ABCC8: variants seen among roughly 807,000 people sequenced by gnomAD.
The protein encoded by ABCC8 is ATP-binding cassette sub-family C member 8.
A neutral mutation model predicts 188.0 loss-of-function variants in ABCC8; 137 were observed. That is an observed-to-expected ratio of 0.73 (90% CI 0.63 to 0.84). ABCC8 has a LOEUF of 0.84. ABCC8 is among the 40% of genes least tolerant of loss of function. The pLI, the probability that ABCC8 is intolerant of heterozygous loss-of-function variation, is 0.00. For synonymous variants in ABCC8, 797 were observed against 846.5 expected (o/e 0.94, Z 1.01); for missense variants, 1,750 against 2,072.7 (o/e 0.84, Z 3.02).
At chr11:17,423,154 C>T (rs1279737943) in intron 16 of ABCC8, among the ~76,000 whole-genome samples, 1 of 151,644 alleles carries the variant, frequency 6.6e-6, no homozygotes, top group East Asian at 1.9e-4. Flanking sequence ...GTCAGGAGTT[C>T]GAGATTACCC....
In ABCC8 at chr11:17,414,571, C is replaced by A. The variant is rs1342872019; in HGVS notation, c.2331G>T (p.Trp777Cys). 6.2e-7 allele frequency: 1 copy of A among 1,614,234 alleles called. No individual in the cohort carries two copies. The highest frequency in any genetic ancestry group is 1.3e-5 in the African/African-American group (1 of 75,066). ...GPVAYASQKP[W>C]LLNATVEENI... Reference sequence around the variant, plus strand: ...TCTCCTCCACAGTGGCATTTAGCAGCCATGGTTTCTGCGAAGCATAGGCCA... The same window carrying A: ...TCTCCTCCACAGTGGCATTTAGCAGACATGGTTTCTGCGAAGCATAGGCCA... The change falls in exon 19 of 39, where the codon TGG (tryptophan) becomes TGT (cysteine). Residue 777 changes from tryptophan to cysteine, a missense_variant. Coordinates refer to ENST00000389817, the MANE Select transcript of ABCC8 (RefSeq NM_000352.6).
At chr11:17,411,515 C>CATGTG (rs1954803596) in intron 21 of ABCC8, among the ~76,000 whole-genome samples, 1 of 152,090 alleles carries the variant, frequency 6.6e-6, no homozygotes, top group African/African-American at 2.4e-5. Flanking sequence ...AGTGCTTGTG[C>CATGTG]GTGTGGTGTA....
chr11:17,394,514 GGT>G, intron 36 of ABCC8, 115 bp from the exon 37 acceptor site: 1 of 1,549,122 alleles, frequency 6.5e-7, no homozygotes, highest in Non-Finnish European at 8.8e-7. Flanking sequence ...CAAATAGGTG[GGT>G]GTGTGTCCAA....
intron 29 of ABCC8, 174 bp from the exon 30 acceptor site, chr11:17,398,615 A>G: frequency 1.3e-6 from 1 of 771,424 alleles, no homozygotes; most frequent in Non-Finnish European, 1.6e-6. Context: ...CTTTCTGCTT[A>G]TTCAAACCTG....
At chr11:17,402,303 T>C (rs955625614) in intron 29 of ABCC8, among the ~76,000 whole-genome samples, 1 of 152,130 alleles carries the variant, frequency 6.6e-6, no homozygotes, top group African/African-American at 2.4e-5. Context: ...CTCAGCATAG[T>C]GTTTGGCACA....
intron 30 of ABCC8, 123 bp from the exon 31 acceptor site, chr11:17,397,920 A>C: frequency 2.6e-6 from 4 of 1,516,244 alleles, no homozygotes; most frequent in African/African-American, 1.4e-5. Context: ...CCTGCAACTC[A>C]TGCACACGTC....
intron 6 of ABCC8, among the ~76,000 whole-genome samples, chr11:17,455,513 G>A (rs1956960391): frequency 6.6e-6 from 1 of 152,112 alleles, no homozygotes; most frequent in African/African-American, 2.4e-5. Context: ...TACTTTTGTG[G>A]ATTGAGAATT....
chr11:17,403,442 T>C (rs1374230918), intron 28 of ABCC8, among the ~76,000 whole-genome samples: 1 of 152,172 alleles, frequency 6.6e-6, no homozygotes, highest in Non-Finnish European at 1.5e-5. Context: ...GTAGAACAGC[T>C]TGTGCAGCAC....
At chr11:17,396,466 TGAGACAGAGACAAA>T (rs1809215496) in intron 33 of ABCC8, 1 of 284,202 alleles carries the variant, frequency 3.5e-6, no homozygotes, top group African/African-American at 2.2e-5. Flanking sequence ...CACAGCAAAG[TGAGACAGAGACAAA>T]GAGACAGAGT....
At chr11:17,462,518 G>A (rs1296195679) in intron 4 of ABCC8, among the ~76,000 whole-genome samples, 1 of 152,156 alleles carries the variant, frequency 6.6e-6, no homozygotes, top group Non-Finnish European at 1.5e-5. Context: ...AAAATACACA[G>A]ACCCTTTGAC....
At chr11:17,474,505 C>A (rs1054421057) in intron 2 of ABCC8, among the ~76,000 whole-genome samples, 1 of 150,350 alleles carries the variant, frequency 6.7e-6, no homozygotes, top group Non-Finnish European at 1.5e-5. Flanking sequence ...AGCTGAGAAC[C>A]AAGGAAAGGT....
chr11:17,445,169 A>G (rs1956475110), intron 8 of ABCC8, among the ~76,000 whole-genome samples: 1 of 152,192 alleles, frequency 6.6e-6, no homozygotes, highest in Admixed American at 6.5e-5. Context: ...TTATAGCTAA[A>G]TTCCTTAACC....
intron 1 of ABCC8, among the ~76,000 whole-genome samples, chr11:17,476,059 G>GAATCC (rs1848751757): frequency 6.6e-6 from 1 of 152,218 alleles, no homozygotes; most frequent in South Asian, 2.1e-4. Context: ...CGGGGGAAGG[G>GAATCC]AATCCAAGTC....
chr11:17,431,310 G>A (rs370284666), intron 11 of ABCC8, among the ~76,000 whole-genome samples: 227 of 152,296 alleles, frequency 1.5e-3, no homozygotes, highest in African/African-American at 5.1e-3. Context: ...AGTCCTCATC[G>A]GGATAACGTA....
At chr11:17,454,165 A>G (rs1956910756) in intron 6 of ABCC8, among the ~76,000 whole-genome samples, 1 of 152,168 alleles carries the variant, frequency 6.6e-6, no homozygotes, top group African/African-American at 2.4e-5. Flanking sequence ...GGGATGGAAC[A>G]AAGTGATGAG....
chr11:17,405,732 CT>C, intron 26 of ABCC8, 169 bp from the exon 27 acceptor site: 1 of 866,608 alleles, frequency 1.2e-6, no homozygotes. Context: ...ATTCCTGCAG[CT>C]GCCCAAAGGG....
At position 17,415,435 on chromosome 11, in the gene ABCC8, C is replaced by G. The variant is rs1048087642; in HGVS notation, c.2256-96G>C. On this transcript the variant is annotated intron_variant, in intron 17 of 38. Transcript: ENST00000389817. ...CTCCCTCCAACCCAACATGAGCATGCCTTTACAATCCCCTGGACCCAGTCT... is the reference window on the plus strand; with the variant it reads ...CTCCCTCCAACCCAACATGAGCATGGCTTTACAATCCCCTGGACCCAGTCT... The G allele has an allele frequency of 5.1e-6, 8 of 1,553,504 alleles. No individual in the cohort carries two copies. In the African/African-American group the frequency reaches 8.1e-5, roughly 16 times the overall value.
At position 17,428,332 on chromosome 11, in the gene ABCC8, A is replaced by C. The variant is rs200670709; in HGVS notation, c.1997T>G (p.Leu666Arg). ...CRGLTGPLQS[L>R]VPSADGDADN... ...AGCATCGCCATCTGCACTGGGGACC[A>C]GGCTCTGCAGTGGGCCGGTGAGGCC... Residue 666 changes from leucine to arginine, a missense_variant, in exon 14 of 39, where the codon CTG becomes CGG. Coordinates refer to ENST00000389817, the MANE Select transcript of ABCC8 (RefSeq NM_000352.6). 8 of 1,614,192 alleles carry C rather than the reference A, an allele frequency of 5.0e-6. No individual in the cohort carries two copies. Among genetic ancestry groups the C allele is most frequent in the Non-Finnish European group, 6.8e-6 (8 of 1,180,032 alleles).
At position 17,428,600 on chromosome 11, in the gene ABCC8, T is replaced by G. The variant is rs1161274496; in HGVS notation, c.1888A>C (p.Thr630Pro). Reference sequence around the variant, plus strand: ...TACTTGCTGGCTGGGCCCTGAGGTGTGGGCTCATGGGGGGCACACTGCTCC... The same window carrying G: ...TACTTGCTGGCTGGGCCCTGAGGTGGGGGCTCATGGGGGGCACACTGCTCC... ...REEQCAPHEP[T>P]PQGPASKYQA... The change falls in exon 13 of 39, where the codon ACA becomes CCA. Residue 630 changes from threonine to proline, a missense_variant. Physicochemically the swap from Thr to Pro is conservative, Grantham distance 38 (BLOSUM62 -1). Coordinates refer to ENST00000389817, the MANE Select transcript of ABCC8 (RefSeq NM_000352.6). 6.2e-7 allele frequency: 1 copy of G among 1,613,944 alleles called. No homozygotes were observed. The highest frequency in any genetic ancestry group is 2.2e-5 in the East Asian group (1 of 44,886).
Sources: allele counts gnomAD v4.1 joint callset (sites outside exome capture counted in the v4.1 genomes callset), GRCh38; gene constraint gnomAD v4.1.1; transcripts MANE v1.5; gene names NCBI Gene and HGNC (gene_info 2026-07-23, HGNC 2026-07-21).